The following ANO4 variants were observed in gnomAD, a reference collection of about 807,000 sequenced individuals.
ANO4 encodes anoctamin 4.
A neutral mutation model predicts 141.9 loss-of-function variants in ANO4; 69 were observed. That is an observed-to-expected ratio of 0.49 (90% CI 0.40 to 0.59). The LOEUF (loss-of-function observed/expected upper bound fraction) is 0.59, where lower values mean the gene tolerates loss of function less well. Ranked by LOEUF, ANO4 falls within the 20% of genes least tolerant of loss-of-function variation. The pLI, the probability that ANO4 is intolerant of heterozygous loss-of-function variation, is 0.00. For missense variants in ANO4, 894 were observed against 1,162.2 expected (o/e 0.77, Z 3.36); for synonymous variants, 350 against 394.3 (o/e 0.89, Z 1.33).
At chr12:100,999,889 A>AG (rs1479070285) in intron 8 of ANO4, among the ~76,000 whole-genome samples, 123 of 151,338 alleles carry the variant, frequency 8.1e-4, no homozygotes, top group African/African-American at 3.0e-3. Flanking sequence ...TACTAAAAAA[A>AG]AAAAAAAACT....
chr12:100,957,539 A>G (rs1366564422), intron 5 of ANO4, among the ~76,000 whole-genome samples: 4 of 152,224 alleles, frequency 2.6e-5, no homozygotes, highest in Non-Finnish European at 5.9e-5. Flanking sequence ...ATTGGGGAGT[A>G]TATTGACTGT....
intron 14 of ANO4, among the ~76,000 whole-genome samples, chr12:101,052,499 G>C (rs2047916465): frequency 6.6e-6 from 1 of 151,762 alleles, no homozygotes; most frequent in African/African-American, 2.4e-5. Flanking sequence ...TCTCCCCCTT[G>C]TTTTTCATTT....
chr12:100,778,428 T>A (rs1593314755), intron 3 of ANO4, among the ~76,000 whole-genome samples: 1 of 152,180 alleles, frequency 6.6e-6, no homozygotes, highest in Non-Finnish European at 1.5e-5. Context: ...TATGGCAGCC[T>A]AGTTCCAGAA....
chr12:101,096,833 C>T (rs1429846525), intron 19 of ANO4, among the ~76,000 whole-genome samples, 186 bp downstream of exon 19: 3 of 152,168 alleles, frequency 2.0e-5, no homozygotes, highest in Non-Finnish European at 4.4e-5. Flanking sequence ...ATCATCTCCA[C>T]TCAAAACTGT....
chr12:100,758,459 TC>T (rs937700290), intron 3 of ANO4, among the ~76,000 whole-genome samples: 2 of 152,148 alleles, frequency 1.3e-5, no homozygotes, highest in Non-Finnish European at 2.9e-5. Context: ...CAGCATTCTG[TC>T]CTCTCTGGAG....
At chr12:101,039,458 T>C (rs2047330154) in intron 10 of ANO4, among the ~76,000 whole-genome samples, 1 of 152,274 alleles carries the variant, frequency 6.6e-6, no homozygotes, top group South Asian at 2.1e-4. Flanking sequence ...TGAGCTGAGA[T>C]TGCGCCACTG....
intron 3 of ANO4, among the ~76,000 whole-genome samples, chr12:100,769,893 A>G (rs926994884): frequency 1.1e-4 from 16 of 152,210 alleles, no homozygotes; most frequent in African/African-American, 3.6e-4. Context: ...AGTAAAATAA[A>G]CTGAATTTTA....
chr12:100,812,126 T>A (rs1277657349), intron 1 of ANO4, among the ~76,000 whole-genome samples: 1 of 152,212 alleles, frequency 6.6e-6, no homozygotes, highest in Admixed American at 6.6e-5. Context: ...TATTTTCCTT[T>A]TAACTATTAA....
intron 26 of ANO4, among the ~76,000 whole-genome samples, chr12:101,124,917 T>C (rs973196160): frequency 2.0e-5 from 3 of 152,256 alleles, no homozygotes; most frequent in Non-Finnish European, 2.9e-5. Flanking sequence ...TGCTTCCAGC[T>C]TTGTTCTTTT....
intron 5 of ANO4, among the ~76,000 whole-genome samples, chr12:100,951,540 G>A (rs770367972): frequency 6.6e-6 from 1 of 152,180 alleles, no homozygotes; most frequent in Non-Finnish European, 1.5e-5. Flanking sequence ...GTAGGGACAT[G>A]GATGGAGCTG....
Position 101,116,663 on chromosome 12 carries a change from G to A in ANO4, c.2451-16G>A, listed in dbSNP as rs1320448845. On this transcript the variant is annotated splice_polypyrimidine_tract_variant and intron_variant, in intron 24 of 27. Coordinates refer to ENST00000392977, the MANE Select transcript of ANO4 (RefSeq NM_001286615.2). ...GTGATGAGTGTTCTAATGGTAGAAT[G>A]TGCCTCCTCTTATAGGTGCATGGTT... 1.2e-6 allele frequency: 2 copies of A among 1,613,982 alleles called. No homozygotes were observed. Among genetic ancestry groups the A allele is most frequent in the African/African-American group, 1.3e-5 (1 of 74,918 alleles).
intron 1 of ANO4, among the ~76,000 whole-genome samples, chr12:100,897,148 G>A (rs1347604374): frequency 1.3e-5 from 2 of 152,158 alleles, no homozygotes; most frequent in South Asian, 4.1e-4. Context: ...CTGACTTTGG[G>A]TCTTTTATCA....
At chr12:100,738,669 A>ATACTATAT (rs1385376603) in intron 2 of ANO4, among the ~76,000 whole-genome samples, 1 of 152,066 alleles carries the variant, frequency 6.6e-6, no homozygotes, top group African/African-American at 2.4e-5. Flanking sequence ...GATGAATCAG[A>ATACTATAT]TACTATATAT....
intron 22 of ANO4, among the ~76,000 whole-genome samples, chr12:101,107,558 A>C (rs1179556698): frequency 6.6e-6 from 1 of 152,194 alleles, no homozygotes; most frequent in Non-Finnish European, 1.5e-5. Flanking sequence ...CACTGCATAT[A>C]TGCTGTATCC....
rs938772930 is a variant in ANO4 at position 101,013,817 on chromosome 12, G to T, written c.735-6217G>T. 2.6e-5 allele frequency among the ~76,000 whole-genome samples: 4 copies of T among 152,134 alleles called. No individual in the cohort carries two copies. The East Asian group carries it at 7.7e-4, about 29-fold the overall frequency. ...TTCTATTAAACAGTGCTGGAGTCTAGATTAATCTAATGTTCCCTTCAGTTA... is the reference window on the plus strand; with the variant it reads ...TTCTATTAAACAGTGCTGGAGTCTATATTAATCTAATGTTCCCTTCAGTTA... On this transcript the variant is annotated intron_variant, in intron 8 of 27. Coordinates refer to ENST00000392977, the MANE Select transcript of ANO4 (RefSeq NM_001286615.2).
At chr12:101,045,766 CCCG>C in intron 13 of ANO4, among the ~76,000 whole-genome samples, 1 of 152,142 alleles carries the variant, frequency 6.6e-6, no homozygotes, top group East Asian at 1.9e-4. Context: ...CTCCAGGGAC[CCCG>C]GTGGCCCTGC....
intron 14 of ANO4, chr12:101,068,446 C>T (rs905078791): frequency 7.8e-6 from 7 of 902,350 alleles, no homozygotes; most frequent in African/African-American, 6.5e-5. Context: ...CTGTGTCCTC[C>T]CATGAAGCCT....
rs150668842 is a variant in ANO4, at chr12:101,070,840, CT to C, written c.1313-8352del. ...TTTGTAGGAAAAAGACCTAATAATA[CT>C]GTTTAAAAATAGCCAAAAATTTGAA... On this transcript the variant is annotated intron_variant, in intron 14 of 27. Coordinates refer to ENST00000392977, the MANE Select transcript of ANO4 (RefSeq NM_001286615.2). Among the ~76,000 whole-genome samples, 852 of 152,210 alleles carry C rather than the reference CT, an allele frequency of 5.6e-3. 7 individuals are homozygous for C. Among genetic ancestry groups the C allele is most frequent in the African/African-American group, 0.019 (810 of 41,562 alleles).
At chr12:100,718,147 A>G (rs2030698214) in intron 1 of ANO4, among the ~76,000 whole-genome samples, 1 of 152,240 alleles carries the variant, frequency 6.6e-6, no homozygotes, top group East Asian at 1.9e-4. Context: ...ATATATATGA[A>G]TAGACATATA....
Sources: gnomAD v4.1 joint callset for allele counts (sites outside exome capture counted in the v4.1 genomes callset) on GRCh38, gnomAD v4.1.1 for gene constraint, MANE v1.5 for transcripts, NCBI Gene and HGNC (gene_info 2026-07-23, HGNC 2026-07-21) for gene names.